The following TRIM66 variants were observed in gnomAD, a reference collection of about 807,000 sequenced individuals.
TRIM66 encodes the protein tripartite motif-containing protein 66.
TRIM66 carries 99 observed loss-of-function variants against 148.2 expected under a neutral mutation model. That is an observed-to-expected ratio of 0.67 (90% CI 0.57 to 0.79). TRIM66 has a LOEUF of 0.79. Ranked by LOEUF, TRIM66 falls within the 30% of genes least tolerant of loss-of-function variation. The pLI is 0.00. For synonymous variants in TRIM66, 616 were observed against 635.9 expected (o/e 0.97, Z 0.47); for missense variants, 1,666 against 1,697.9 (o/e 0.98, Z 0.33).
At position 8,638,623 on chromosome 11, in the gene TRIM66, T is replaced by C. The variant is rs767220503; in HGVS notation, c.2310+31A>G. The C allele has an allele frequency of 7.8e-6, 12 of 1,541,056 alleles. No homozygotes were observed. The East Asian group carries it at 3.0e-4, about 38-fold the overall frequency. On this transcript the variant is annotated intron_variant, in intron 15 of 24. Transcript: ENST00000646038. Reference sequence around the variant, plus strand: ...GGGTCTTGGCTGGCAGTGGGTCCCATGTAGTTAGGGAAAACAGGCTCCTTC... The same window carrying C: ...GGGTCTTGGCTGGCAGTGGGTCCCACGTAGTTAGGGAAAACAGGCTCCTTC...
intron 15 of TRIM66, among the ~76,000 whole-genome samples, chr11:8,628,636 A>AAAAAAAAAAAAAAAAGAGAGAGAG (rs1555042270): frequency 7.5e-5 from 7 of 93,396 alleles, no homozygotes; most frequent in East Asian, 5.5e-4. Context: ...AAAAAAAAAA[A>AAAAAAAAAAAAAAAAGAGAGAGAG]AGAGAGAGAA....
rs563739729 is a variant in TRIM66 at position 8,672,082 on chromosome 11, C to T, written c.44G>A (p.Arg15His). The T allele has an allele frequency of 5.9e-6, 9 of 1,533,018 alleles. No individual in the cohort carries two copies. The highest frequency in any genetic ancestry group is 2.4e-5 in the East Asian group (1 of 40,872). 95.0% of individuals were successfully genotyped at this position (1,533,018 alleles called of 1,614,324 possible). A position where few individuals can be genotyped will look rare whatever the true frequency, so the allele number is the denominator to read the frequency against. The change falls in exon 6 of 25, where the codon CGC becomes CAC. Residue 15 changes from arginine (R) to histidine (H), a missense_variant. Around this residue, in one of 3 missense-constraint regions of TRIM66, gnomAD observed 1,431 missense variants for 1,412.4 expected, o/e 1.01. Transcript: ENST00000646038. Reference protein sequence around the residue: ...SFWSQGVELARSTRCFSPEDI... With the variant: ...SFWSQGVELAHSTRCFSPEDI... ...CTCAGGTGAGAAGCAGCGTGTAGAGCGAGCCAGCTCCACTCCCTGTAAGTG... is the reference window on the plus strand; with the variant it reads ...CTCAGGTGAGAAGCAGCGTGTAGAGTGAGCCAGCTCCACTCCCTGTAAGTG...
At chr11:8,669,129 C>G (rs1262595228) in intron 6 of TRIM66, among the ~76,000 whole-genome samples, 1 of 152,172 alleles carries the variant, frequency 6.6e-6, no homozygotes, top group Non-Finnish European at 1.5e-5. Context: ...ACAAAAGGTG[C>G]CACCACTGCT....
intron 15 of TRIM66, among the ~76,000 whole-genome samples, chr11:8,628,932 C>A (rs770048874): frequency 1.3e-5 from 2 of 152,104 alleles, no homozygotes; most frequent in Non-Finnish European, 2.9e-5. Flanking sequence ...AGTTAAATAT[C>A]TTTTATCTCT....
chr11:8,646,619 A>G, intron 10 of TRIM66, 58 bp from the exon 11 acceptor site: 1 of 1,378,734 alleles, frequency 7.3e-7, no homozygotes. Context: ...TATGAAGACG[A>G]AGAGACAGCA....
rs766686873 is a variant in TRIM66, at chr11:8,618,840, A to G, written c.4029T>C (p.Ser1343=). 2 of 1,551,374 alleles carry G rather than the reference A, an allele frequency of 1.3e-6. No individual in the cohort carries two copies. The highest frequency in any genetic ancestry group is 1.2e-5 in the South Asian group (1 of 84,050). ...GGGGAGTGGAACATCCACTCTCACT[A>G]GACACCTCCTCGGAGTCTGAGTCCT... The part of the protein sequence containing the change: ...RQEDSDSEEV[S]SESGCSTPQG... The change falls in exon 24 of 25, where the codon TCT becomes TCC. Residue 1343 remains serine (S), a synonymous_variant. Coordinates refer to ENST00000646038, the MANE Select transcript of TRIM66 (RefSeq NM_001388022.1).
chr11:8,622,782 T>C (rs1325908419), intron 18 of TRIM66, 34 bp downstream of exon 18: 7 of 1,542,418 alleles, frequency 4.5e-6, no homozygotes, highest in African/African-American at 2.7e-5. Flanking sequence ...CGTGAAGTCA[T>C]GGGTGGGAGG....
rs2034177467 is a variant in TRIM66, at chr11:8,621,195, G to C, written c.3382C>G (p.Leu1128Val). The change falls in exon 20 of 25, where the codon CTC (leucine) becomes GTC (valine). Residue 1128 changes from leucine to valine, a missense_variant. Leu to Val is a conservative substitution (Grantham distance 32). Transcript: ENST00000646038. ...TTGGCTCCTGGGGTTCGAGGAATGA[G>C]TCTGTGTTCTTCAGGAGATGTGCCC... ...VEGTSPEEHR[L>V]IPRTPGAKKG... The C allele has an allele frequency of 6.4e-7, 1 of 1,551,616 alleles. No homozygotes were observed. Among genetic ancestry groups the C allele is most frequent in the African/African-American group, 1.4e-5 (1 of 73,056 alleles).
chr11:8,637,205 C>T (rs2035954097), intron 15 of TRIM66, among the ~76,000 whole-genome samples: 1 of 152,166 alleles, frequency 6.6e-6, no homozygotes, highest in Non-Finnish European at 1.5e-5. Context: ...CTGTCTCTTC[C>T]ACCAGACTGT....
chr11:8,640,217 TG>T lies in TRIM66; in HGVS notation c.2148+9del, dbSNP rs1443556540. On this transcript the variant is annotated intron_variant, in intron 14 of 24. Transcript: ENST00000646038. ...GCAGAATATGCACGCCAAGCCACCC[TG>T]ACGCTTACCTGCAGGGTCTCCTCCT... The T allele has an allele frequency of 5.2e-6, 8 of 1,549,674 alleles. No homozygotes were observed. The highest frequency in any genetic ancestry group is 7.0e-6 in the Non-Finnish European group (8 of 1,145,570).
chr11:8,680,882 G>C (rs566595425), intron 1 of TRIM66: 2 of 152,298 alleles, frequency 1.3e-5, no homozygotes, highest in Middle Eastern at 6.8e-3. Context: ...TAGGAGGAAG[G>C]CAAGACTTTT....
At chr11:8,631,168 A>G (rs1163277597) in intron 15 of TRIM66, among the ~76,000 whole-genome samples, 1 of 152,214 alleles carries the variant, frequency 6.6e-6, no homozygotes, top group Non-Finnish European at 1.5e-5. Context: ...ATCTGGGACC[A>G]GCCTTGAAAA....
intron 9 of TRIM66, 144 bp downstream of exon 9, chr11:8,648,272 A>G: frequency 7.5e-7 from 1 of 1,341,508 alleles, no homozygotes; most frequent in Non-Finnish European, 1.0e-6. Flanking sequence ...GTCCTACAAC[A>G]GGAGCAGAGA....
rs544822092 is a variant in TRIM66 at position 8,641,101 on chromosome 11, T to C, written c.1274A>G (p.Tyr425Cys). ...GQMSRADAPA[Y>C]GGLQGSSPFY... ...GGGTGATGACCCCTGTAAGCCTCCA[T>C]AAGCAGGAGCATCTGCCCTGGACAT... is the stretch of plus-strand genomic sequence containing the variant. Residue 425 changes from tyrosine (Y) to cysteine (C), a missense_variant, in exon 14 of 25, where the codon TAT becomes TGT. This residue lies in a region of TRIM66 where 1,431 missense variants were observed against 1,412.4 expected (regional missense o/e 1.01). Transcript: ENST00000646038. The C allele has an allele frequency of 2.8e-5, 44 of 1,551,684 alleles. No individual in the cohort carries two copies. In the East Asian group the frequency reaches 1.1e-3, roughly 38 times the overall value.
At position 8,613,181 on chromosome 11, in the gene TRIM66, G is replaced by A. The variant is rs528409010; in HGVS notation, c.*4763C>T. On this transcript the variant is annotated 3_prime_UTR_variant, in exon 25 of 25. Coordinates refer to ENST00000646038, the MANE Select transcript of TRIM66 (RefSeq NM_001388022.1). Reference sequence around the variant, plus strand: ...CTCCCTACCCAACTCCTGAAAAGAAGAGACCACAGACAGCCACAGACATTT... The same window carrying A: ...CTCCCTACCCAACTCCTGAAAAGAAAAGACCACAGACAGCCACAGACATTT... The A allele has an allele frequency of 1.3e-5, 2 of 152,284 alleles. No homozygotes were observed. Among genetic ancestry groups the A allele is most frequent in the Admixed American group, 1.3e-4 (2 of 15,296 alleles). The allele number at this position is 152,284 out of a possible 1,614,324, so 9.4% of individuals were successfully genotyped here.
intron 3 of TRIM66, among the ~76,000 whole-genome samples, chr11:8,677,404 C>T (rs1203209250): frequency 6.6e-6 from 1 of 152,128 alleles, no homozygotes; most frequent in Non-Finnish European, 1.5e-5. Context: ...ATGAATGAAT[C>T]TCATTATTTT....
intron 4 of TRIM66, among the ~76,000 whole-genome samples, chr11:8,674,251 G>A (rs2039076474): frequency 6.6e-6 from 1 of 152,112 alleles, no homozygotes; most frequent in South Asian, 2.1e-4. Context: ...AAAATCTATT[G>A]CTATTTACCA....
intron 6 of TRIM66, among the ~76,000 whole-genome samples, chr11:8,653,674 A>G (rs930584480): frequency 6.6e-6 from 1 of 152,190 alleles, no homozygotes; most frequent in African/African-American, 2.4e-5. Flanking sequence ...AGTTGTTTTA[A>G]GCACAAAGTT....
chr11:8,639,846 G>C (rs551005267), intron 14 of TRIM66, among the ~76,000 whole-genome samples: 134 of 152,310 alleles, frequency 8.8e-4, no homozygotes, highest in African/African-American at 3.0e-3. Context: ...GGATTCATAA[G>C]GTCCGGCAAG....
Sources: allele counts gnomAD v4.1 joint callset (sites outside exome capture counted in the v4.1 genomes callset), GRCh38; gene constraint gnomAD v4.1.1; regional missense constraint gnomAD v4.1.1; transcripts MANE v1.5; gene names NCBI Gene and HGNC (gene_info 2026-07-23, HGNC 2026-07-21).